KIFAP3: variants seen among roughly 807,000 people sequenced by gnomAD.
KIFAP3 encodes the protein kinesin associated protein 3.
In KIFAP3, 68 loss-of-function variants were observed where a neutral mutation model predicts 106.5. That is an observed-to-expected ratio of 0.64 (90% CI 0.53 to 0.78). The LOEUF is 0.78. Among genes scored for constraint, KIFAP3 ranks in the 30% least tolerant of loss-of-function variants. KIFAP3 has a pLI of 0.00. For synonymous variants in KIFAP3, 320 were observed against 311.5 expected, an observed-to-expected ratio of 1.03 and a Z score of -0.29; for missense variants, 780 against 941.8, an observed-to-expected ratio of 0.83 and a Z score of 2.25.
chr1:170,012,309 T>C (rs1239584868), intron 10 of KIFAP3, among the ~76,000 whole-genome samples: 2 of 152,206 alleles, frequency 1.3e-5, no homozygotes, highest in Non-Finnish European at 1.5e-5. Context: ...TCCTTGGGCA[T>C]GGTAATAATA....
At chr1:170,048,010 TG>T (rs1339889956) in intron 2 of KIFAP3, among the ~76,000 whole-genome samples, 1 of 152,194 alleles carries the variant, frequency 6.6e-6, no homozygotes, top group Non-Finnish European at 1.5e-5. Flanking sequence ...GGCTAATTTT[TG>T]TTGGAAGACA....
chr1:169,996,878 C>T (rs1667395278), intron 10 of KIFAP3, among the ~76,000 whole-genome samples: 1 of 152,056 alleles, frequency 6.6e-6, no homozygotes. Flanking sequence ...GACCTGTGCC[C>T]AGATATAGCA....
chr1:170,060,121 C>T (rs113658279), intron 1 of KIFAP3, among the ~76,000 whole-genome samples: 9,650 of 152,192 alleles, frequency 0.063, 387 homozygotes, highest in Non-Finnish European at 0.095. Context: ...CAGGGATGCC[C>T]TCTCTCACCA....
chr1:169,928,699 C>CCAAAAAAAA (rs1663285592), intron 19 of KIFAP3, among the ~76,000 whole-genome samples: 1 of 37,784 alleles, frequency 2.6e-5, no homozygotes, highest in Non-Finnish European at 4.1e-5. Context: ...ACCCTGTCTC[C>CCAAAAAAAA]AAAAAAAAAA....
chr1:170,006,081 C>T (rs548590047), intron 10 of KIFAP3, among the ~76,000 whole-genome samples: 1 of 152,222 alleles, frequency 6.6e-6, no homozygotes, highest in East Asian at 1.9e-4. Context: ...TCAGAACAAA[C>T]CTATTTTATC....
intron 3 of KIFAP3, among the ~76,000 whole-genome samples, chr1:170,044,769 G>A (rs760574929): frequency 6.6e-6 from 1 of 152,150 alleles, no homozygotes; most frequent in South Asian, 2.1e-4. Context: ...ATTCTACAGT[G>A]CCCATTAAAC....
At chr1:170,084,800 G>A (rs1672077924) in intron 1 of KIFAP3, among the ~76,000 whole-genome samples, 1 of 152,266 alleles carries the variant, frequency 6.6e-6, no homozygotes, top group East Asian at 1.9e-4. Flanking sequence ...CCTGGTATAC[G>A]AGAACATGGT....
intron 9 of KIFAP3, among the ~76,000 whole-genome samples, chr1:170,021,937 CTTTCTTTTTTTTTT>C (rs1668854194): frequency 8.6e-6 from 1 of 116,512 alleles, no homozygotes; most frequent in African/African-American, 3.3e-5. Flanking sequence ...TCTTTCTTTT[CTTTCTTTTTTTTTT>C]TTTTTTTTTT....
intron 17 of KIFAP3, among the ~76,000 whole-genome samples, chr1:169,962,945 A>G (rs1193341487): frequency 6.6e-6 from 1 of 152,076 alleles, no homozygotes; most frequent in Non-Finnish European, 1.5e-5. Flanking sequence ...AAATTACTAA[A>G]CTTGATTTTC....
chr1:170,007,844 C>T (rs181589627), intron 10 of KIFAP3, among the ~76,000 whole-genome samples: 158 of 152,276 alleles, frequency 1.0e-3, no homozygotes, highest in African/African-American at 3.5e-3. Flanking sequence ...AAGCTAGAGG[C>T]ATCACACTAC....
At chr1:170,040,882 G>A (rs1557857586) in intron 3 of KIFAP3, among the ~76,000 whole-genome samples, 1 of 150,954 alleles carries the variant, frequency 6.6e-6, no homozygotes, top group South Asian at 2.1e-4. Context: ...ATGGAGTACA[G>A]TGGCATGGTC....
intron 1 of KIFAP3, among the ~76,000 whole-genome samples, chr1:170,058,719 A>G (rs1307260148): frequency 6.6e-6 from 1 of 152,108 alleles, no homozygotes. Context: ...ATGCTAAATC[A>G]GATGGGCTGA....
At chr1:169,960,353 C>T (rs534473057) in intron 18 of KIFAP3, among the ~76,000 whole-genome samples, 1 of 152,144 alleles carries the variant, frequency 6.6e-6, no homozygotes, top group South Asian at 2.1e-4. Context: ...TTCCTCTCCT[C>T]AACTAAATGA....
At chr1:169,950,218 A>G (rs537373235) in intron 19 of KIFAP3, among the ~76,000 whole-genome samples, 145 of 152,284 alleles carry the variant, frequency 9.5e-4, no homozygotes, top group African/African-American at 3.4e-3. Context: ...TTATTACATG[A>G]ATCCACTCAA....
chr1:170,027,107 C>T (rs1669157049), intron 8 of KIFAP3, among the ~76,000 whole-genome samples: 2 of 151,208 alleles, frequency 1.3e-5, no homozygotes, highest in Admixed American at 1.3e-4. Flanking sequence ...GCAACCTCCA[C>T]CTCCTGGGTT....
chr1:170,035,415 G>T, intron 6 of KIFAP3, 39 bp downstream of exon 6: 1 of 1,275,300 alleles, frequency 7.8e-7, no homozygotes, highest in Non-Finnish European at 1.1e-6. Flanking sequence ...GAGCAATAGA[G>T]ATACAGTAGC....
chr1:170,069,737 C>A (rs1219637453), intron 1 of KIFAP3, among the ~76,000 whole-genome samples: 2 of 151,918 alleles, frequency 1.3e-5, no homozygotes, highest in Non-Finnish European at 2.9e-5. Flanking sequence ...TGAAAGCTTT[C>A]CCCCTAAGAT....
intron 1 of KIFAP3, among the ~76,000 whole-genome samples, chr1:170,063,430 A>G (rs950725151): frequency 1.3e-5 from 2 of 152,186 alleles, no homozygotes; most frequent in Admixed American, 6.5e-5. Context: ...ACCTGCTATA[A>G]TATCATCCCC....
At chr1:170,059,831 C>T (rs1671044498) in intron 1 of KIFAP3, among the ~76,000 whole-genome samples, 1 of 152,184 alleles carries the variant, frequency 6.6e-6, no homozygotes, top group Admixed American at 6.5e-5. Context: ...ATCAAGTGGG[C>T]TTCACCATTG....
Sources: allele counts gnomAD v4.1 joint callset (sites outside exome capture counted in the v4.1 genomes callset), GRCh38; gene constraint gnomAD v4.1.1; transcripts MANE v1.5; gene names NCBI Gene and HGNC (gene_info 2026-07-23, HGNC 2026-07-21).